Variants in B3GALNT2 observed in about 807,000 individuals in gnomAD.
The protein encoded by B3GALNT2 is UDP-GalNAc:beta-1,3-N-acetylgalactosaminyltransferase 2.
Under a neutral mutation model 61.1 loss-of-function variants are expected in B3GALNT2, and 53 were observed. The observed-to-expected ratio is 0.87, with a 90% CI of 0.70 to 1.09. The LOEUF (loss-of-function observed/expected upper bound fraction) is 1.09. B3GALNT2 is among the 50% of genes least tolerant of loss of function. B3GALNT2 has a pLI of 0.00. For synonymous variants in B3GALNT2, 223 were observed against 237.4 expected (o/e 0.94, Z 0.56); for missense variants, 544 against 623.0 (o/e 0.87, Z 1.35).
intron 10 of B3GALNT2, among the ~76,000 whole-genome samples, 183 bp downstream of exon 10, chr1:235,453,973 C>T (rs1242107839): frequency 2.0e-5 from 3 of 151,934 alleles, no homozygotes; most frequent in African/African-American, 4.8e-5. Context: ...TGAGTGTATA[C>T]GTAGGTGGGA....
rs1364849784 is a variant in B3GALNT2, at chr1:235,470,897, G to A, written c.715C>T (p.His239Tyr). 9 of 1,613,894 alleles carry A rather than the reference G, an allele frequency of 5.6e-6. No individual in the cohort carries two copies. The African/African-American group carries it at 1.2e-4, about 22-fold the overall frequency. Reference sequence around the variant, plus strand: ...CCTCCATCATTCACTGTCACTTTGTGGAGATTTCTTGACACAAGGCCGTGG... The same window carrying A: ...CCTCCATCATTCACTGTCACTTTGTAGAGATTTCTTGACACAAGGCCGTGG... ...DLHGLVSRNL[H>Y]KVTVNDGGGV... Residue 239 changes from histidine to tyrosine, a missense_variant, in exon 6 of 12, where the codon CAC becomes TAC. Transcript: ENST00000366600.
intron 8 of B3GALNT2, 60 bp downstream of exon 8, chr1:235,458,542 TC>T: frequency 6.8e-7 from 1 of 1,464,570 alleles, no homozygotes; most frequent in South Asian, 1.4e-5. Flanking sequence ...AGACCCCATC[TC>T]AAAAAAAAAA....
chr1:235,498,054 C>G (rs1685409962), intron 1 of B3GALNT2, among the ~76,000 whole-genome samples: 1 of 152,190 alleles, frequency 6.6e-6, no homozygotes, highest in Admixed American at 6.5e-5. Context: ...TAGAGAACTA[C>G]TTCAAGATAT....
rs1344429713 is a variant in B3GALNT2 at position 235,450,337 on chromosome 1, T to C, written c.1372A>G (p.Ser458Gly). 1.2e-5 allele frequency: 20 copies of C among 1,613,798 alleles called. No homozygotes were observed. Among genetic ancestry groups the C allele is most frequent in the Non-Finnish European group, 1.6e-5 (19 of 1,179,876 alleles). ...CAGGTCTTCTCACACAGCCACAGACTGTCCTGTTGAGAAACAACCAAAGCC... is the reference window on the plus strand; with the variant it reads ...CAGGTCTTCTCACACAGCCACAGACCGTCCTGTTGAGAAACAACCAAAGCC... ...AAIGPKRYQD[S>G]LWLCEKTCET... Residue 458 changes from serine (S) to glycine (G), a missense_variant, in exon 12 of 12, where the codon AGT (serine) becomes GGT (glycine). Coordinates refer to ENST00000366600, the MANE Select transcript of B3GALNT2 (RefSeq NM_152490.5).
Position 235,448,339 on chromosome 1 carries a change from C to A in B3GALNT2, c.*1867G>T. 1 of 1,612,300 alleles carries A rather than the reference C, an allele frequency of 6.2e-7. No homozygotes were observed. Among genetic ancestry groups the A allele is most frequent in the South Asian group, 1.1e-5 (1 of 91,046 alleles). On this transcript the variant is annotated 3_prime_UTR_variant, in exon 12 of 12. Coordinates refer to ENST00000366600, the MANE Select transcript of B3GALNT2 (RefSeq NM_152490.5). ...GAGAGAACGAATGGACTTTTCTTGT[C>A]TTTTGATAGGCTCCATGACAATTCA...
intron 5 of B3GALNT2, among the ~76,000 whole-genome samples, chr1:235,474,813 TTCTG>T (rs1337170792): frequency 1.3e-5 from 2 of 151,030 alleles, no homozygotes; most frequent in Non-Finnish European, 1.5e-5. Context: ...AGGAGTGAAA[TTCTG>T]TCTAAGGATG....
At chr1:235,486,904 C>G (rs1179601282) in intron 3 of B3GALNT2, among the ~76,000 whole-genome samples, 1 of 151,960 alleles carries the variant, frequency 6.6e-6, no homozygotes, top group Admixed American at 6.6e-5. Context: ...CGTGGTGGCT[C>G]ACGCCTATAA....
intron 5 of B3GALNT2, among the ~76,000 whole-genome samples, chr1:235,473,770 G>T (rs1412271345): frequency 1.3e-5 from 2 of 152,116 alleles, no homozygotes; most frequent in Non-Finnish European, 2.9e-5. Context: ...AGGAAATAAT[G>T]AATCATACCA....
intron 6 of B3GALNT2, among the ~76,000 whole-genome samples, chr1:235,466,384 G>T (rs1297101742): frequency 6.6e-6 from 1 of 151,838 alleles, no homozygotes; most frequent in Admixed American, 6.6e-5. Flanking sequence ...TCATTTTACA[G>T]ACAGGGTTTC....
intron 7 of B3GALNT2, 190 bp downstream of exon 7, chr1:235,465,446 C>T: frequency 2.3e-6 from 2 of 879,742 alleles, no homozygotes; most frequent in Non-Finnish European, 3.3e-6. Context: ...TGTGGGGTTT[C>T]CTTTTGGGAG....
chr1:235,503,436 T>A (rs1685676491), intron 1 of B3GALNT2, among the ~76,000 whole-genome samples: 1 of 152,240 alleles, frequency 6.6e-6, no homozygotes, highest in South Asian at 2.1e-4. Context: ...AAAGGTTTCA[T>A]TCCTACGAGA....
chr1:235,461,039 G>C (rs1021409516), intron 7 of B3GALNT2, among the ~76,000 whole-genome samples: 3 of 152,138 alleles, frequency 2.0e-5, no homozygotes, highest in African/African-American at 7.2e-5. Context: ...GGAGACGTCA[G>C]GATTTCCTAA....
At chr1:235,493,623 C>G (rs1572555438) in intron 2 of B3GALNT2, among the ~76,000 whole-genome samples, 1 of 151,984 alleles carries the variant, frequency 6.6e-6, no homozygotes, top group Non-Finnish European at 1.5e-5. Flanking sequence ...ACTAAAAATA[C>G]AAAAATTAGC....
At chr1:235,482,178 C>A (rs973326445) in intron 4 of B3GALNT2, among the ~76,000 whole-genome samples, 1 of 152,078 alleles carries the variant, frequency 6.6e-6, no homozygotes. Context: ...GGAATTCAAA[C>A]AAACAGGCAG....
intron 5 of B3GALNT2, among the ~76,000 whole-genome samples, chr1:235,475,183 G>T (rs529800845): frequency 6.0e-5 from 9 of 150,972 alleles, no homozygotes; most frequent in Admixed American, 1.3e-4. Flanking sequence ...ATTTTTAGTA[G>T]AGATGGGGTT....
At chr1:235,501,389 CTG>C (rs1685575992) in intron 1 of B3GALNT2, among the ~76,000 whole-genome samples, 1 of 152,216 alleles carries the variant, frequency 6.6e-6, no homozygotes, top group Non-Finnish European at 1.5e-5. Context: ...CCCTGCTCAA[CTG>C]TTACCTCTTC....
intron 4 of B3GALNT2, among the ~76,000 whole-genome samples, chr1:235,483,452 C>T (rs1336430433): frequency 6.6e-6 from 1 of 152,084 alleles, no homozygotes; most frequent in Non-Finnish European, 1.5e-5. Flanking sequence ...AGAAAAAGCA[C>T]ACCAGGCCTG....
At chr1:235,489,803 GCCA>G (rs1330062067) in intron 2 of B3GALNT2, among the ~76,000 whole-genome samples, 1 of 151,844 alleles carries the variant, frequency 6.6e-6, no homozygotes, top group East Asian at 1.9e-4. Flanking sequence ...ATCCTTCCTT[GCCA>G]CCACACTTTA....
Position 235,489,157 on chromosome 1 carries a change from A to T in B3GALNT2, c.361+11T>A, listed in dbSNP as rs1252575709. 6.2e-7 allele frequency: 1 copy of T among 1,613,178 alleles called. No homozygotes were observed. The highest frequency in any genetic ancestry group is 1.3e-5 in the African/African-American group (1 of 74,906). Reference sequence around the variant, plus strand: ...GCTTGTGTATGGCAGTCAAGGGAAAAGATGACTTACCTGGATTTGTGATGT... The same window carrying T: ...GCTTGTGTATGGCAGTCAAGGGAAATGATGACTTACCTGGATTTGTGATGT... On this transcript the variant is annotated intron_variant, in intron 3 of 11. Transcript: ENST00000366600.
Sources: allele counts gnomAD v4.1 joint callset (sites outside exome capture counted in the v4.1 genomes callset), GRCh38; gene constraint gnomAD v4.1.1; transcripts MANE v1.5; gene names NCBI Gene and HGNC (gene_info 2026-07-23, HGNC 2026-07-21).